TLN2: variants seen among roughly 807,000 people sequenced by gnomAD.
TLN2 encodes the protein talin 2.
A neutral mutation model predicts 294.7 loss-of-function variants in TLN2; 118 were observed. The ratio of observed to expected loss-of-function variants is 0.40; its 90% CI spans 0.34 to 0.47. The LOEUF (loss-of-function observed/expected upper bound fraction) is 0.47, where lower values mean the gene tolerates loss of function less well. Ranked by LOEUF, TLN2 falls within the 20% of genes least tolerant of loss-of-function variation. The pLI is 0.84. For synonymous variants in TLN2, 1,431 were observed against 1,304.5 expected (o/e 1.10, Z -2.09); for missense variants, 3,083 against 3,282.2 (o/e 0.94, Z 1.48).
chr15:62,596,213 C>T (rs1046480998), intron 2 of TLN2, among the ~76,000 whole-genome samples: 3 of 143,916 alleles, frequency 2.1e-5, no homozygotes, highest in South Asian at 2.3e-4. Context: ...TGCAGTGAGC[C>T]GAGATTGCGC....
chr15:62,446,745 A>G (rs1164003931), intron 1 of TLN2, among the ~76,000 whole-genome samples: 2 of 152,220 alleles, frequency 1.3e-5, no homozygotes, highest in East Asian at 3.8e-4. Context: ...CAATGTATTC[A>G]GTATCTCTAC....
At chr15:62,596,874 A>T (rs923101771) in intron 2 of TLN2, among the ~76,000 whole-genome samples, 2 of 152,170 alleles carry the variant, frequency 1.3e-5, no homozygotes, top group Non-Finnish European at 2.9e-5. Flanking sequence ...ACTTATTTCT[A>T]CTTCTTAGAG....
intron 27 of TLN2, 112 bp downstream of exon 27, chr15:62,725,216 C>A: frequency 7.0e-7 from 1 of 1,423,032 alleles, no homozygotes; most frequent in East Asian, 2.4e-5. Context: ...AGCTTCTAAT[C>A]CTGTGGTCTT....
chr15:62,597,133 C>G (rs1427403766), intron 2 of TLN2, among the ~76,000 whole-genome samples: 1 of 152,136 alleles, frequency 6.6e-6, no homozygotes, highest in Non-Finnish European at 1.5e-5. Context: ...AGGCAGCCAG[C>G]CTTTTTCTTT....
At chr15:62,601,971 C>G (rs1270300300) in intron 2 of TLN2, among the ~76,000 whole-genome samples, 1 of 152,156 alleles carries the variant, frequency 6.6e-6, no homozygotes, top group Non-Finnish European at 1.5e-5. Context: ...TGTTTACTTT[C>G]TGGTGAGATC....
In TLN2 at chr15:62,607,097, G is replaced by A. The variant is rs138411471; in HGVS notation, c.-161-11254G>A. On this transcript the variant is annotated intron_variant, in intron 2 of 58. Coordinates refer to ENST00000636159, the MANE Select transcript of TLN2 (RefSeq NM_015059.3). ...GCCTCTTCACAGCAGTAATTTTCTC[G>A]CCCGTGATCCTGGGTCCCTTGGATG... Among the ~76,000 whole-genome samples, 28 of 152,168 alleles carry A rather than the reference G, an allele frequency of 1.8e-4. No homozygotes were observed. The East Asian group carries it at 2.5e-3, about 14-fold the overall frequency.
At chr15:62,697,247 A>G (rs28637710) in intron 14 of TLN2, among the ~76,000 whole-genome samples, 14,527 of 151,962 alleles carry the variant, frequency 0.096, 1,401 homozygotes, top group African/African-American at 0.25. Flanking sequence ...AGCTAGGACT[A>G]TAGGCATGTA....
At position 62,486,810 on chromosome 15, in the gene TLN2, G is replaced by GTT. The variant is rs1364205522; in HGVS notation, c.-238+96139_-238+96140dup. Among the ~76,000 whole-genome samples, 1,176 of 141,258 alleles carry GTT rather than the reference G, an allele frequency of 8.3e-3. 14 individuals are homozygous for GTT. The highest frequency in any genetic ancestry group is 0.028 in the African/African-American group (1,075 of 38,612). 92.7% of individuals were successfully genotyped at this position (141,258 alleles called of 152,430 possible). A position where few individuals can be genotyped will look rare whatever the true frequency, so the allele number is the denominator to read the frequency against. On this transcript the variant is annotated intron_variant, in intron 1 of 58. Transcript: ENST00000636159. ...TCTAAAGTTGTGTCTGGTTTGCAAG[G>GTT]TTTTTTTTTTTTTTTAATGTATATT...
chr15:62,673,310 C>CTTTTTTTTTTTTTTTTTTTTTTTTTTTT lies in TLN2; in HGVS notation c.789-499_789-498insTTTTTTTTTTTTTTTTTTTTTTTTTTTT, dbSNP rs56258541. 1.4e-4 allele frequency among the ~76,000 whole-genome samples: 6 copies of CTTTTTTTTTTTTTTTTTTTTTTTTTTTT among 42,898 alleles called. 2 individuals are homozygous for CTTTTTTTTTTTTTTTTTTTTTTTTTTTT. Among genetic ancestry groups the CTTTTTTTTTTTTTTTTTTTTTTTTTTTT allele is most frequent in the Admixed American group, 9.7e-4 (2 of 2,072 alleles). 28.1% of individuals were successfully genotyped at this position (42,898 alleles called of 152,430 possible). A position where few individuals can be genotyped will look rare whatever the true frequency, so the allele number is the denominator to read the frequency against. On this transcript the variant is annotated intron_variant, in intron 9 of 58. Coordinates refer to ENST00000636159, the MANE Select transcript of TLN2 (RefSeq NM_015059.3). ...GTTTGCTTTAGATTTTTAGATGTTG[C>CTTTTTTTTTTTTTTTTTTTTTTTTTTTT]TTTTTTTTTTTTTTTTTTGCAATTT... is the stretch of plus-strand genomic sequence containing the variant.
At position 62,840,889 on chromosome 15, in the gene TLN2, A is replaced by G. The variant is rs1028867517; in HGVS notation, c.*279A>G. The G allele has an allele frequency of 9.4e-5, 33 of 351,742 alleles. No individual in the cohort carries two copies. The highest frequency in any genetic ancestry group is 1.3e-4 in the Non-Finnish European group (25 of 195,682). The allele number at this position is 351,742 out of a possible 1,614,324, so 21.8% of individuals were successfully genotyped here. A position where few individuals can be genotyped will look rare whatever the true frequency, so the allele number is the denominator to read the frequency against. ...GGTGCACGTTTCATGGACTGTTACCAACAAAGAAAAGTCAGTATTATGTTG... is the reference window on the plus strand; with the variant it reads ...GGTGCACGTTTCATGGACTGTTACCGACAAAGAAAAGTCAGTATTATGTTG... On this transcript the variant is annotated 3_prime_UTR_variant, in exon 59 of 59. Coordinates refer to ENST00000636159, the MANE Select transcript of TLN2 (RefSeq NM_015059.3).
At chr15:62,505,252 C>T (rs548242981) in intron 1 of TLN2, among the ~76,000 whole-genome samples, 5 of 152,222 alleles carry the variant, frequency 3.3e-5, no homozygotes, top group Admixed American at 6.5e-5. Flanking sequence ...CCACTGTGCT[C>T]GGCCAAAAAC....
intron 12 of TLN2, among the ~76,000 whole-genome samples, chr15:62,689,064 CTCTCT>C (rs761042040): frequency 4.2e-5 from 6 of 142,914 alleles, no homozygotes; most frequent in South Asian, 2.2e-4. Context: ...TTATTTCTCT[CTCTCT>C]TTTTTTTTTT....
intron 28 of TLN2, among the ~76,000 whole-genome samples, chr15:62,730,119 C>T (rs574058066): frequency 1.4e-5 from 2 of 144,300 alleles, no homozygotes; most frequent in Non-Finnish European, 3.0e-5. Flanking sequence ...ACCTCTGCTT[C>T]CTGGGTTCAA....
chr15:62,449,357 C>A (rs912315327), intron 1 of TLN2, among the ~76,000 whole-genome samples: 1 of 152,260 alleles, frequency 6.6e-6, no homozygotes, highest in African/African-American at 2.4e-5. Context: ...GAGCTTTCTT[C>A]CTGTTCCTCT....
In TLN2 at chr15:62,781,299, C is replaced by T. The variant is rs1007395389; in HGVS notation, c.5616+58C>T. 8.1e-6 allele frequency: 11 copies of T among 1,349,714 alleles called. 1 individual carries two copies. The highest frequency in any genetic ancestry group is 4.6e-5 in the East Asian group (2 of 43,396). 83.6% of individuals were successfully genotyped at this position (1,349,714 alleles called of 1,614,324 possible). A position where few individuals can be genotyped will look rare whatever the true frequency, so the allele number is the denominator to read the frequency against. On this transcript the variant is annotated intron_variant, in intron 44 of 58. Coordinates refer to ENST00000636159, the MANE Select transcript of TLN2 (RefSeq NM_015059.3). ...TGTTTGCCTTTTTATCCACTGCCGC[C>T]GCTGAGCCTGCAAATCCCAGATCTG...
At chr15:62,796,764 A>T (rs746783357) in intron 47 of TLN2, among the ~76,000 whole-genome samples, 4 of 152,142 alleles carry the variant, frequency 2.6e-5, no homozygotes, top group African/African-American at 7.2e-5. Context: ...CCCCTCTGCA[A>T]TCCAAGGGCT....
At chr15:62,763,489 C>T in intron 39 of TLN2, 74 bp from the exon 40 acceptor site, 11 of 1,510,106 alleles carry the variant, frequency 7.3e-6, no homozygotes, top group Non-Finnish European at 9.8e-6. Flanking sequence ...GGGATCCTGG[C>T]CCACCAGTGC....
At chr15:62,659,084 A>T (rs1282992362) in intron 9 of TLN2, among the ~76,000 whole-genome samples, 1 of 152,210 alleles carries the variant, frequency 6.6e-6, no homozygotes, top group Admixed American at 6.5e-5. Flanking sequence ...ATCCGAATGT[A>T]GTCATTCACC....
Position 62,792,778 on chromosome 15 carries a change from C to T in TLN2, c.5874C>T (p.Val1958=). Reference sequence around the variant, plus strand: ...AGCTGATCGAATGCGCCCGTGCCGTCACGGAAAAGGTAAGGAGCAGCCCTC... The same window carrying T: ...AGCTGATCGAATGCGCCCGTGCCGTTACGGAAAAGGTAAGGAGCAGCCCTC... The part of the protein sequence containing the change: ...KRELIECARA[V]TEKVSLVLSA... The change falls in exon 46 of 59, where the codon GTC becomes GTT. Residue 1958 remains valine, a synonymous_variant. Transcript: ENST00000636159. 1 of 1,613,992 alleles carries T rather than the reference C, an allele frequency of 6.2e-7. No individual in the cohort carries two copies. Among genetic ancestry groups the T allele is most frequent in the Non-Finnish European group, 8.5e-7 (1 of 1,180,012 alleles).
Sources: allele counts gnomAD v4.1 joint callset (sites outside exome capture counted in the v4.1 genomes callset), GRCh38; gene constraint gnomAD v4.1.1; transcripts MANE v1.5; gene names NCBI Gene and HGNC (gene_info 2026-07-23, HGNC 2026-07-21).